The following KLHDC3 variants were observed in gnomAD, a reference collection of about 807,000 sequenced individuals.
KLHDC3 encodes the protein kelch domain containing 3.
In KLHDC3, 5 loss-of-function variants were observed where a neutral mutation model predicts 44.1. That is an observed-to-expected ratio of 0.11 (90% confidence interval 0.06 to 0.24). The LOEUF (loss-of-function observed/expected upper bound fraction) is 0.24, where lower values mean the gene tolerates loss of function less well. KLHDC3 is among the 10% of genes least tolerant of loss of function. The pLI is 1.00. For missense variants in KLHDC3, 247 were observed against 514.3 expected, an observed-to-expected ratio of 0.48 and a Z score of 5.03; for synonymous variants, 170 against 189.0, an observed-to-expected ratio of 0.90 and a Z score of 0.82.
At position 43,019,087 on chromosome 6, in the gene KLHDC3, G is replaced by A. The variant is rs201703306; in HGVS notation, c.930-5G>A. On this transcript the variant is annotated splice_polypyrimidine_tract_variant and splice_region_variant and intron_variant, in intron 8 of 10. Coordinates refer to ENST00000326974, the MANE Select transcript of KLHDC3 (RefSeq NM_057161.4). Reference sequence around the variant, plus strand: ...CTACTTTCATCTCTCTTTTGATCCCGACAGTCCATCTCCTGAGGAAGGCCT... The same window carrying A: ...CTACTTTCATCTCTCTTTTGATCCCAACAGTCCATCTCCTGAGGAAGGCCT... 85 of 1,611,988 alleles carry A rather than the reference G, an allele frequency of 5.3e-5. No homozygotes were observed. The highest frequency in any genetic ancestry group is 6.3e-5 in the Non-Finnish European group (74 of 1,178,098).
chr6:43,017,398 G>A lies in KLHDC3; in HGVS notation c.154+52G>A. The A allele has an allele frequency of 6.3e-7, 1 of 1,584,654 alleles. No homozygotes were observed. Among genetic ancestry groups the A allele is most frequent in the Non-Finnish European group, 8.6e-7 (1 of 1,161,478 alleles). On this transcript the variant is annotated intron_variant, in intron 2 of 10. Transcript: ENST00000326974. This position sits in a 1 kb window ranked among gnomAD's most constrained non-coding sequence, Gnocchi z 6.0. Reference sequence around the variant, plus strand: ...GGTCCCCACATCAGGGTGGGAACGGGCTGCTGATGAGGTTTGGCTGTGGTC... The same window carrying A: ...GGTCCCCACATCAGGGTGGGAACGGACTGCTGATGAGGTTTGGCTGTGGTC...
In KLHDC3 at chr6:43,019,316, G is replaced by A; in HGVS notation, c.1032G>A (p.Leu344=). ...CTAGTCTGAAGACTCTGTGCAAACTGGCCGTGATTCAGTATAACCTAGACC... is the reference window on the plus strand; with the variant it reads ...CTAGTCTGAAGACTCTGTGCAAACTAGCCGTGATTCAGTATAACCTAGACC... ...FSPSLKTLCK[L]AVIQYNLDQS... The change falls in exon 10 of 11, where the codon CTG becomes CTA. Residue 344 remains leucine (L), a synonymous_variant. Coordinates refer to ENST00000326974, the MANE Select transcript of KLHDC3 (RefSeq NM_057161.4). The A allele has an allele frequency of 1.2e-6, 2 of 1,613,890 alleles. No homozygotes were observed. The highest frequency in any genetic ancestry group is 1.7e-5 in the Admixed American group (1 of 60,012).
At chr6:43,015,526 C>T (rs766093036) in intron 1 of KLHDC3, among the ~76,000 whole-genome samples, 1 of 152,104 alleles carries the variant, frequency 6.6e-6, no homozygotes, top group Non-Finnish European at 1.5e-5. Context: ...CCCAGGTGTA[C>T]GTGCCACTAG....
At chr6:43,020,129 T>G (rs1762656655) in intron 10 of KLHDC3, among the ~76,000 whole-genome samples, 1 of 152,014 alleles carries the variant, frequency 6.6e-6, no homozygotes, top group South Asian at 2.1e-4. Context: ...TGAGTCAAGA[T>G]TGTGCCACTG....
intron 1 of KLHDC3, chr6:43,016,370 A>G (rs1243676345): frequency 1.3e-5 from 2 of 152,324 alleles, no homozygotes; most frequent in African/African-American, 4.8e-5. Flanking sequence ...TGGCAGGAGG[A>G]GAAAACCCCT....
Position 43,021,103 on chromosome 6 carries a change from C to T in KLHDC3, c.*370C>T, listed in dbSNP as rs8540. 26,056 of 477,458 alleles carry T rather than the reference C, an allele frequency of 0.055. 839 individuals are homozygous for T. The highest frequency in any genetic ancestry group is 0.091 in the African/African-American group (4,640 of 50,956). 29.6% of individuals were successfully genotyped at this position (477,458 alleles called of 1,614,324 possible). On this transcript the variant is annotated 3_prime_UTR_variant, in exon 11 of 11. Transcript: ENST00000326974. ...AGCTTCCCCCTCCCCCTTTGCCTATCCCCTCCCCTCTGCTTGAGCCTTGAG... is the reference window on the plus strand; with the variant it reads ...AGCTTCCCCCTCCCCCTTTGCCTATTCCCTCCCCTCTGCTTGAGCCTTGAG...
intron 1 of KLHDC3, chr6:43,016,672 G>A (rs1762584499): frequency 6.4e-6 from 1 of 157,022 alleles, no homozygotes; most frequent in African/African-American, 2.4e-5. Context: ...AGCTTTCAAT[G>A]GACTGTTTGA....
At position 43,021,178 on chromosome 6, in the gene KLHDC3, T is replaced by C; in HGVS notation, c.*445T>C. 1 of 451,482 alleles carries C rather than the reference T, an allele frequency of 2.2e-6. No homozygotes were observed. Among genetic ancestry groups the C allele is most frequent in the Non-Finnish European group, 4.4e-6 (1 of 224,880 alleles). The allele number at this position is 451,482 out of a possible 1,614,324, so 28.0% of individuals were successfully genotyped here. A position where few individuals can be genotyped will look rare whatever the true frequency, so the allele number is the denominator to read the frequency against. ...TGCAGCTGTTGGCATGAGACCTCCT[T>C]CTCCCCGTCTTGGGGAGGTGGGGAC... On this transcript the variant is annotated 3_prime_UTR_variant, in exon 11 of 11. Transcript: ENST00000326974.
At chr6:43,019,502 TGAGA>T in intron 10 of KLHDC3, 136 bp downstream of exon 10, 1 of 647,690 alleles carries the variant, frequency 1.5e-6, no homozygotes, top group African/African-American at 1.8e-5. Flanking sequence ...TTGTGGGAAA[TGAGA>T]TGGAAGGAGG....
chr6:43,020,819 C>T lies in KLHDC3; in HGVS notation c.*86C>T. ...CTGTCACCCACCTGCTCCTTTGACC[C>T]CTGGACTTGGTATACCTCCATGTGG... is the stretch of plus-strand genomic sequence containing the variant. On this transcript the variant is annotated 3_prime_UTR_variant, in exon 11 of 11. Coordinates refer to ENST00000326974, the MANE Select transcript of KLHDC3 (RefSeq NM_057161.4). 3 of 1,055,346 alleles carry T rather than the reference C, an allele frequency of 2.8e-6. No individual in the cohort carries two copies. In the Admixed American group the frequency reaches 5.2e-5, roughly 18 times the overall value. The allele number at this position is 1,055,346 out of a possible 1,614,324, so 65.4% of individuals were successfully genotyped here.
chr6:43,014,459 G>A (rs1241318415), intron 1 of KLHDC3, 111 bp downstream of exon 1: 1 of 535,896 alleles, frequency 1.9e-6, no homozygotes, highest in Admixed American at 2.2e-5. Flanking sequence ...GGGGTGGGGA[G>A]GGAGCTAGGG....
At chr6:43,019,065 C>CT in intron 8 of KLHDC3, 27 bp from the exon 9 acceptor site, 1 of 1,602,884 alleles carries the variant, frequency 6.2e-7, no homozygotes, top group Non-Finnish European at 8.5e-7. Flanking sequence ...TTTTGTCCTA[C>CT]TTTCATCTCT....
rs1466931193 is a variant in KLHDC3 at position 43,014,300 on chromosome 6, C to G, written c.-108C>G. 4 of 699,044 alleles carry G rather than the reference C, an allele frequency of 5.7e-6. No homozygotes were observed. Among genetic ancestry groups the G allele is most frequent in the Non-Finnish European group, 9.4e-6 (4 of 424,112 alleles). 43.3% of individuals were successfully genotyped at this position (699,044 alleles called of 1,614,324 possible). A position where few individuals can be genotyped will look rare whatever the true frequency, so the allele number is the denominator to read the frequency against. ...CGGTTGGCGCGCAACGGGTTCTAGG[C>G]TGCAGGCAGCTCGAGGACCCGCGGC... On this transcript the variant is annotated 5_prime_UTR_variant, in exon 1 of 11. Coordinates refer to ENST00000326974, the MANE Select transcript of KLHDC3 (RefSeq NM_057161.4).
rs1214128764 is a variant in KLHDC3, at chr6:43,020,931, C to G, written c.*198C>G. The G allele has an allele frequency of 1.5e-6, 1 of 664,740 alleles. No homozygotes were observed. Among genetic ancestry groups the G allele is most frequent in the East Asian group, 2.8e-5 (1 of 35,272 alleles). The allele number at this position is 664,740 out of a possible 1,614,324, so 41.2% of individuals were successfully genotyped here. A position where few individuals can be genotyped will look rare whatever the true frequency, so the allele number is the denominator to read the frequency against. ...GGGCTAGGTTCCTCCCCCCTTGGGC[C>G]GAGGGCCCCTTCCCCTTGGTGCTCT... On this transcript the variant is annotated 3_prime_UTR_variant, in exon 11 of 11. Transcript: ENST00000326974.
intron 1 of KLHDC3, 21 bp downstream of exon 1, chr6:43,014,369 G>A: frequency 3.2e-6 from 2 of 626,092 alleles, no homozygotes; most frequent in Admixed American, 4.5e-5. Flanking sequence ...ATGGGTAGAA[G>A]GGCAAGGGAG....
Position 43,017,716 on chromosome 6 carries a change from G to A in KLHDC3, c.331+21G>A, listed in dbSNP as rs554345622. On this transcript the variant is annotated intron_variant, in intron 3 of 10. Coordinates refer to ENST00000326974, the MANE Select transcript of KLHDC3 (RefSeq NM_057161.4). The surrounding 1 kb of genome is among the most constrained non-coding windows in gnomAD (Gnocchi z 6.0). ...CGTCAGTGAGTATGGATCTCAGAGA[G>A]GCTATGTCCTTCCAGATGTTGCCTC... is the stretch of plus-strand genomic sequence containing the variant. The A allele has an allele frequency of 8.7e-6, 14 of 1,606,710 alleles. No homozygotes were observed. In the African/African-American group the frequency reaches 1.3e-4, roughly 15 times the overall value.
chr6:43,015,503 A>C (rs931040309), intron 1 of KLHDC3, among the ~76,000 whole-genome samples: 3 of 151,972 alleles, frequency 2.0e-5, no homozygotes, highest in Non-Finnish European at 4.4e-5. Context: ...TGCCTGAAAA[A>C]ACCTCAGATG....
rs189050360 is a variant in KLHDC3 at position 43,016,794 on chromosome 6, C to T, written c.-59-340C>T. ...AGCAGAGCAGAGACAAGAGAATATA[C>T]CGTTTGGGAAGGGGGCTTCAAGTTT... is the stretch of plus-strand genomic sequence containing the variant. On this transcript the variant is annotated intron_variant, in intron 1 of 10. Coordinates refer to ENST00000326974, the MANE Select transcript of KLHDC3 (RefSeq NM_057161.4). 2.8e-5 allele frequency: 6 copies of T among 211,118 alleles called. No individual in the cohort carries two copies. The Admixed American group carries it at 3.1e-4, about 11-fold the overall frequency. 13.1% of individuals were successfully genotyped at this position (211,118 alleles called of 1,614,324 possible).
In KLHDC3 at chr6:43,014,299, G is replaced by T; in HGVS notation, c.-109G>T. The T allele has an allele frequency of 2.9e-6, 2 of 696,060 alleles. No individual in the cohort carries two copies. Among genetic ancestry groups the T allele is most frequent in the Non-Finnish European group, 4.7e-6 (2 of 421,678 alleles). 43.1% of individuals were successfully genotyped at this position (696,060 alleles called of 1,614,324 possible). A position where few individuals can be genotyped will look rare whatever the true frequency, so the allele number is the denominator to read the frequency against. On this transcript the variant is annotated 5_prime_UTR_variant, in exon 1 of 11. Transcript: ENST00000326974. ...TCGGTTGGCGCGCAACGGGTTCTAG[G>T]CTGCAGGCAGCTCGAGGACCCGCGG... is the stretch of plus-strand genomic sequence containing the variant.
Sources: gnomAD v4.1 joint callset for allele counts (sites outside exome capture counted in the v4.1 genomes callset) on GRCh38, gnomAD v4.1.1 for gene constraint, Gnocchi (gnomAD v3.1) non-coding constraint, MANE v1.5 for transcripts, NCBI Gene and HGNC (gene_info 2026-07-23, HGNC 2026-07-21) for gene names.